Variants in EPHA3 observed in about 807,000 individuals in gnomAD.
The protein encoded by EPHA3 is ephrin type-A receptor 3.
EPHA3 carries 42 observed loss-of-function variants against 107.1 expected under a neutral mutation model. That is an observed-to-expected ratio of 0.39 (90% CI 0.31 to 0.51). The LOEUF (loss-of-function observed/expected upper bound fraction) is 0.51, where lower values mean the gene tolerates loss of function less well. Among genes scored for constraint, EPHA3 ranks in the 20% least tolerant of loss-of-function variants. The probability of loss-of-function intolerance (pLI) is 0.78; values close to 1 mark genes in which losing one functional copy is unlikely to be tolerated. For missense variants in EPHA3, 1,183 were observed against 1,211.2 expected (o/e 0.98, Z 0.35); for synonymous variants, 461 against 424.8 (o/e 1.09, Z -1.05).
At chr3:89,398,966 C>T (rs1432925643) in intron 6 of EPHA3, among the ~76,000 whole-genome samples, 1 of 152,020 alleles carries the variant, frequency 6.6e-6, no homozygotes, top group Non-Finnish European at 1.5e-5. Context: ...CTCGTCTCTA[C>T]TAAAAATACA....
intron 3 of EPHA3, among the ~76,000 whole-genome samples, chr3:89,323,441 AT>A (rs920377070): frequency 1.3e-5 from 2 of 152,128 alleles, no homozygotes; most frequent in African/African-American, 4.8e-5. Flanking sequence ...AACAATTAAA[AT>A]GTGCAGATCA....
At chr3:89,229,758 C>T (rs777620496) in intron 3 of EPHA3, among the ~76,000 whole-genome samples, 24 of 151,424 alleles carry the variant, frequency 1.6e-4, no homozygotes, top group South Asian at 8.3e-4. Flanking sequence ...TTTTAAATGG[C>T]GAGTTAATTG....
intron 3 of EPHA3, among the ~76,000 whole-genome samples, chr3:89,336,581 G>T (rs1169127286): frequency 6.6e-6 from 1 of 151,986 alleles, no homozygotes; most frequent in African/African-American, 2.4e-5. Context: ...CAAATTCATT[G>T]AACAGTTTTG....
chr3:89,406,501 T>A (rs913556141), intron 7 of EPHA3, among the ~76,000 whole-genome samples: 65 of 152,322 alleles, frequency 4.3e-4, no homozygotes, highest in African/African-American at 1.5e-3. Flanking sequence ...TAGCATAAAA[T>A]CAGTCATAGA....
At position 89,210,503 on chromosome 3, in the gene EPHA3, G is replaced by C; in HGVS notation, c.797G>C (p.Arg266Thr). The C allele has an allele frequency of 3.2e-6, 5 of 1,551,582 alleles. No individual in the cohort carries two copies. Among genetic ancestry groups the C allele is most frequent in the Non-Finnish European group, 4.3e-6 (5 of 1,153,704 alleles). The change falls in exon 3 of 17, where the codon AGA becomes ACA. Residue 266 changes from arginine (R) to threonine (T), a missense_variant. Arg to Thr is a moderately conservative substitution (Grantham distance 71). Transcript: ENST00000336596. ...TCCTGCAATGCTGGCTATGAAGAAA[G>C]AGGTTTTATGTGCCAAGGTAAGAGC... ...KCSCNAGYEE[R>T]GFMCQACRPG...
rs562124289 is a variant in EPHA3, at chr3:89,405,709, A to G, written c.1595-1560A>G. On this transcript the variant is annotated intron_variant, in intron 7 of 16. Transcript: ENST00000336596. ...CTCCTGGGGAGGTGATAGTATTCAGATAACTAAAATCTGCTCTTCTTTTGA... is the reference window on the plus strand; with the variant it reads ...CTCCTGGGGAGGTGATAGTATTCAGGTAACTAAAATCTGCTCTTCTTTTGA... 7.2e-5 allele frequency among the ~76,000 whole-genome samples: 11 copies of G among 152,294 alleles called. 1 individual carries two copies. The East Asian group carries it at 1.7e-3, about 24-fold the overall frequency.
At chr3:89,303,574 A>T (rs1162399824) in intron 3 of EPHA3, among the ~76,000 whole-genome samples, 1 of 151,996 alleles carries the variant, frequency 6.6e-6, no homozygotes, top group Non-Finnish European at 1.5e-5. Context: ...ATTCCTACAC[A>T]TGAGTCAAAA....
At chr3:89,302,134 A>G (rs1706506275) in intron 3 of EPHA3, among the ~76,000 whole-genome samples, 1 of 152,158 alleles carries the variant, frequency 6.6e-6, no homozygotes, top group Non-Finnish European at 1.5e-5. Flanking sequence ...GCATAGTGTC[A>G]TCTTAATAAT....
chr3:89,252,074 T>A (rs2107264712), intron 3 of EPHA3, among the ~76,000 whole-genome samples: 1 of 152,250 alleles, frequency 6.6e-6, no homozygotes, highest in East Asian at 1.9e-4. Flanking sequence ...GAATAATAAA[T>A]TATAAAGGAA....
At position 89,160,548 on chromosome 3, in the gene EPHA3, T is replaced by TGTGTGTGTGTG. The variant is rs1553707124; in HGVS notation, c.153+33275_153+33276insGTGTGTGTGTG. The stretch of plus-strand genomic sequence containing the variant: ...AGTCAGAGAAAAGTAATATTAGATT[T>TGTGTGTGTGTG]TGTGTGTGTGTGTGTGTGTGTGTGT... On this transcript the variant is annotated intron_variant, in intron 2 of 16. Transcript: ENST00000336596. 8.3e-5 allele frequency among the ~76,000 whole-genome samples: 10 copies of TGTGTGTGTGTG among 120,474 alleles called. 1 individual carries two copies. The highest frequency in any genetic ancestry group is 3.6e-4 in the African/African-American group (10 of 28,144). 79.0% of individuals were successfully genotyped at this position (120,474 alleles called of 152,430 possible).
intron 3 of EPHA3, among the ~76,000 whole-genome samples, chr3:89,301,016 C>T (rs765180076): frequency 6.6e-6 from 1 of 152,098 alleles, no homozygotes; most frequent in Non-Finnish European, 1.5e-5. Flanking sequence ...AAATTAAATG[C>T]AATAGCAACA....
chr3:89,131,827 C>T (rs1704213411), intron 2 of EPHA3, among the ~76,000 whole-genome samples: 1 of 152,188 alleles, frequency 6.6e-6, no homozygotes. Flanking sequence ...GGAAAACACT[C>T]TTTTGGCAAA....
At position 89,341,050 on chromosome 3, in the gene EPHA3, C is replaced by A. The variant is rs1231064330; in HGVS notation, c.949C>A (p.Pro317Thr). ...ENNYFRADKD[P>T]PSMACTRPPS... ...TAATTACTTCCGGGCAGACAAAGACCCTCCATCCATGGCTTGTACCCGTGA... is the reference window on the plus strand; with the variant it reads ...TAATTACTTCCGGGCAGACAAAGACACTCCATCCATGGCTTGTACCCGTGA... Residue 317 changes from proline (P) to threonine (T), a missense_variant, in exon 4 of 17, where the codon CCT (proline) becomes ACT (threonine). Coordinates refer to ENST00000336596, the MANE Select transcript of EPHA3 (RefSeq NM_005233.6). The A allele has an allele frequency of 5.0e-6, 8 of 1,613,584 alleles. No individual in the cohort carries two copies. Among genetic ancestry groups the A allele is most frequent in the African/African-American group, 1.3e-5 (1 of 74,862 alleles).
chr3:89,413,632 G>T lies in EPHA3; in HGVS notation c.1888+366G>T, dbSNP rs867011340. ...TTTGAAGTTTTCATTTTCAATTTTAGAATCATGTTTGGAATTAAAAGAACA... is the reference window on the plus strand; with the variant it reads ...TTTGAAGTTTTCATTTTCAATTTTATAATCATGTTTGGAATTAAAAGAACA... On this transcript the variant is annotated intron_variant, in intron 10 of 16. Coordinates refer to ENST00000336596, the MANE Select transcript of EPHA3 (RefSeq NM_005233.6). 4.0e-5 allele frequency among the ~76,000 whole-genome samples: 6 copies of T among 151,680 alleles called. No homozygotes were observed. The Middle Eastern group carries it at 0.014, about 344-fold the overall frequency.
intron 13 of EPHA3, among the ~76,000 whole-genome samples, chr3:89,447,113 TA>T (rs1438540822): frequency 6.6e-6 from 1 of 152,172 alleles, no homozygotes. Context: ...TTTTGAATTA[TA>T]AAAACATAAA....
intron 13 of EPHA3, among the ~76,000 whole-genome samples, chr3:89,447,137 A>T (rs936000654): frequency 6.6e-6 from 1 of 152,192 alleles, no homozygotes; most frequent in African/African-American, 2.4e-5. Flanking sequence ...TGATCTAGGC[A>T]TATGTAGATG....
intron 3 of EPHA3, among the ~76,000 whole-genome samples, chr3:89,333,906 T>C (rs565879067): frequency 6.6e-6 from 1 of 152,170 alleles, no homozygotes; most frequent in African/African-American, 2.4e-5. Context: ...AAAACCTCAC[T>C]GCAGACTAAC....
At chr3:89,247,950 G>C (rs1269750013) in intron 3 of EPHA3, among the ~76,000 whole-genome samples, 3 of 152,068 alleles carry the variant, frequency 2.0e-5, no homozygotes, top group African/African-American at 7.2e-5. Context: ...CTTCCTTGAT[G>C]TTCTTTGTCT....
intron 5 of EPHA3, among the ~76,000 whole-genome samples, chr3:89,360,559 T>C (rs1423688649): frequency 1.3e-5 from 2 of 151,014 alleles, no homozygotes; most frequent in South Asian, 2.1e-4. Flanking sequence ...ATCAGCATAG[T>C]CTATACAACA....
Sources: gnomAD v4.1 joint callset for allele counts (sites outside exome capture counted in the v4.1 genomes callset) on GRCh38, gnomAD v4.1.1 for gene constraint, MANE v1.5 for transcripts, NCBI Gene and HGNC (gene_info 2026-07-23, HGNC 2026-07-21) for gene names.